The following CAMTA1 variants were observed in gnomAD, a reference collection of about 807,000 sequenced individuals.
The protein encoded by CAMTA1 is calmodulin binding transcription activator 1.
CAMTA1 carries 27 observed loss-of-function variants against 170.9 expected under a neutral mutation model. The ratio of observed to expected loss-of-function variants is 0.16; its 90% CI spans 0.12 to 0.22. CAMTA1 has a LOEUF of 0.22. CAMTA1 is among the 10% of genes least tolerant of loss of function. The pLI, the probability that CAMTA1 is intolerant of heterozygous loss-of-function variation, is 1.00. For synonymous variants in CAMTA1, 833 were observed against 891.5 expected, an observed-to-expected ratio of 0.93 and a Z score of 1.17; for missense variants, 1,619 against 2,217.2, an observed-to-expected ratio of 0.73 and a Z score of 5.42.
chr1:7,350,349 AG>A (rs1363516886), intron 5 of CAMTA1, among the ~76,000 whole-genome samples: 3 of 152,206 alleles, frequency 2.0e-5, no homozygotes, highest in African/African-American at 7.2e-5. Context: ...TATACCCGCC[AG>A]GTCCCCTGAG....
chr1:6,959,320 A>AG (rs2149512469), intron 3 of CAMTA1, among the ~76,000 whole-genome samples: 1 of 152,292 alleles, frequency 6.6e-6, no homozygotes, highest in East Asian at 1.9e-4. Context: ...GGGCAGGTGG[A>AG]GGGGTCCCCC....
In CAMTA1 at chr1:7,680,602, G is replaced by A. The variant is rs935343847; in HGVS notation, c.2914+2869G>A. 1.3e-5 allele frequency among the ~76,000 whole-genome samples: 2 copies of A among 151,922 alleles called. No homozygotes were observed. Among genetic ancestry groups the A allele is most frequent in the African/African-American group, 2.4e-5 (1 of 41,412 alleles). On this transcript the variant is annotated intron_variant, in intron 11 of 22. Transcript: ENST00000303635. This position sits in a 1 kb window ranked among gnomAD's most constrained non-coding sequence, Gnocchi z 4.4. ...TAGGAAGGCCTGAGCCCGGCCACCC[G>A]CCTCCGAGTGCGCCGCACCGTGCGG...
intron 6 of CAMTA1, among the ~76,000 whole-genome samples, chr1:7,556,372 CA>C (rs2094877863): frequency 6.6e-6 from 1 of 152,158 alleles, no homozygotes; most frequent in South Asian, 2.1e-4. Context: ...CCAGGTTCAG[CA>C]AGGCCCCAGA....
chr1:6,901,055 A>G (rs1207401395), intron 3 of CAMTA1, among the ~76,000 whole-genome samples: 3 of 152,250 alleles, frequency 2.0e-5, no homozygotes, highest in East Asian at 3.8e-4. Context: ...ATATAAATCA[A>G]TGGAACCAAA....
intron 4 of CAMTA1, among the ~76,000 whole-genome samples, chr1:7,127,960 C>A (rs1322997949): frequency 6.6e-6 from 1 of 152,220 alleles, no homozygotes; most frequent in Non-Finnish European, 1.5e-5. Flanking sequence ...CTCACAGTGC[C>A]TAAACTGCTT....
At position 7,769,434 on chromosome 1, in the gene CAMTA1, C is replaced by G. The variant is rs1217950183; in HGVS notation, c.*2943C>G. 6.5e-6 allele frequency: 1 copy of G among 152,756 alleles called. No individual in the cohort carries two copies. Among genetic ancestry groups the G allele is most frequent in the African/African-American group, 2.4e-5 (1 of 41,434 alleles). The allele number at this position is 152,756 out of a possible 1,614,324, so 9.5% of individuals were successfully genotyped here. On this transcript the variant is annotated 3_prime_UTR_variant, in exon 23 of 23. Transcript: ENST00000303635. The stretch of plus-strand genomic sequence containing the variant: ...TAATACGAACCCCTCTCTGGCTGCA[C>G]GGTCGCTTATGGCAGTTCCACACAG...
intron 6 of CAMTA1, among the ~76,000 whole-genome samples, chr1:7,569,972 C>T (rs1240066509): frequency 2.0e-5 from 3 of 152,222 alleles, no homozygotes; most frequent in Non-Finnish European, 4.4e-5. Flanking sequence ...CCTGCCTAAT[C>T]CTTTGGACTC....
intron 3 of CAMTA1, among the ~76,000 whole-genome samples, chr1:6,959,126 C>T (rs1689954239): frequency 1.3e-5 from 2 of 152,198 alleles, no homozygotes; most frequent in African/African-American, 2.4e-5. Flanking sequence ...AGCAATTCTG[C>T]AGAGAGTCCT....
intron 9 of CAMTA1, among the ~76,000 whole-genome samples, chr1:7,669,684 C>T (rs1365541640): frequency 6.6e-6 from 1 of 152,236 alleles, no homozygotes; most frequent in Non-Finnish European, 1.5e-5. Context: ...CAGCTCTCCG[C>T]CCCACTGCAG....
chr1:7,442,455 C>T (rs1349585776), intron 5 of CAMTA1, among the ~76,000 whole-genome samples: 1 of 152,098 alleles, frequency 6.6e-6, no homozygotes, highest in African/African-American at 2.4e-5. Context: ...AGCAGGCAGC[C>T]GGTACAGGGA....
intron 3 of CAMTA1, among the ~76,000 whole-genome samples, chr1:7,053,361 T>C (rs1706756531): frequency 6.6e-6 from 1 of 152,214 alleles, no homozygotes; most frequent in Non-Finnish European, 1.5e-5. Flanking sequence ...TTAGTTCCGC[T>C]GTCTTCTCGC....
rs536882826 is a variant in CAMTA1, at chr1:7,588,399, G to T, written c.511-52001G>T. On this transcript the variant is annotated intron_variant, in intron 6 of 22. Coordinates refer to ENST00000303635, the MANE Select transcript of CAMTA1 (RefSeq NM_015215.4). The surrounding 1 kb of genome is among the most constrained non-coding windows in gnomAD (Gnocchi z 5.8). The stretch of plus-strand genomic sequence containing the variant: ...GTCCGGGCGGGGGATGGCCCCAGGG[G>T]CTCAGGAGGCCCTGGGCTTCGTAAT... Among the ~76,000 whole-genome samples, 16 of 152,292 alleles carry T rather than the reference G, an allele frequency of 1.1e-4. No individual in the cohort carries two copies. The South Asian group carries it at 2.5e-3, about 24-fold the overall frequency.
chr1:7,708,627 T>A (rs2096545583), intron 11 of CAMTA1, among the ~76,000 whole-genome samples: 1 of 152,272 alleles, frequency 6.6e-6, no homozygotes, highest in Non-Finnish European at 1.5e-5. Context: ...TGTAATTTGC[T>A]TAATTTTATA....
chr1:6,904,599 A>T, intron 3 of CAMTA1, among the ~76,000 whole-genome samples: 1 of 144,450 alleles, frequency 6.9e-6, no homozygotes, highest in Admixed American at 7.0e-5. Flanking sequence ...CTATCGCCCC[A>T]GGCTGGAATG....
At chr1:7,240,854 A>G (rs1286655596) in intron 4 of CAMTA1, among the ~76,000 whole-genome samples, 1 of 152,154 alleles carries the variant, frequency 6.6e-6, no homozygotes, top group Non-Finnish European at 1.5e-5. Flanking sequence ...CTAACATCAT[A>G]CTTAATGATG....
At chr1:7,191,619 G>T (rs989891347) in intron 4 of CAMTA1, among the ~76,000 whole-genome samples, 3 of 152,146 alleles carry the variant, frequency 2.0e-5, no homozygotes, top group African/African-American at 7.2e-5. Context: ...ACCCTGATTA[G>T]TTCAAAATTG....
At chr1:7,103,961 CTACACACACGCACACACAACACACAAG>C in intron 4 of CAMTA1, among the ~76,000 whole-genome samples, 1 of 150,102 alleles carries the variant, frequency 6.7e-6, no homozygotes, top group South Asian at 2.1e-4. Flanking sequence ...GTACATACAA[CTACACACACGCACACACAACACACAAG>C]TACACACATG....
At chr1:7,566,861 C>T (rs1402603814) in intron 6 of CAMTA1, among the ~76,000 whole-genome samples, 1 of 152,230 alleles carries the variant, frequency 6.6e-6, no homozygotes, top group Non-Finnish European at 1.5e-5. Flanking sequence ...TCACATGCTG[C>T]CAGACTCCCG....
At chr1:7,606,500 T>G (rs1046486313) in intron 6 of CAMTA1, among the ~76,000 whole-genome samples, 1 of 152,226 alleles carries the variant, frequency 6.6e-6, no homozygotes, top group Admixed American at 6.5e-5. Flanking sequence ...TGTTTTCATT[T>G]TATTTTCTTG....
Sources: gnomAD v4.1 joint callset for allele counts (sites outside exome capture counted in the v4.1 genomes callset) on GRCh38, gnomAD v4.1.1 for gene constraint, Gnocchi (gnomAD v3.1) non-coding constraint, MANE v1.5 for transcripts, NCBI Gene and HGNC (gene_info 2026-07-23, HGNC 2026-07-21) for gene names.